The following DNAH12 variants were observed in gnomAD, a reference collection of about 807,000 sequenced individuals.
DNAH12 encodes axonemal beta dynein heavy chain 12.
Under a neutral mutation model 371.5 loss-of-function variants are expected in DNAH12, and 285 were observed. The ratio of observed to expected loss-of-function variants is 0.77; its 90% confidence interval spans 0.70 to 0.85. The LOEUF (loss-of-function observed/expected upper bound fraction) is 0.85. Ranked by LOEUF, DNAH12 falls within the 40% of genes least tolerant of loss-of-function variation. The pLI is 0.00. For synonymous variants in DNAH12, 1,200 were observed against 1,213.0 expected (o/e 0.99, Z 0.22); for missense variants, 3,611 against 3,689.4 (o/e 0.98, Z 0.55).
At chr3:57,406,175 A>T (rs1271777445) in intron 40 of DNAH12, among the ~76,000 whole-genome samples, 1 of 151,972 alleles carries the variant, frequency 6.6e-6, no homozygotes, top group Non-Finnish European at 1.5e-5. Context: ...ACATGGCAAA[A>T]CCCTGTCTCT....
intron 39 of DNAH12, among the ~76,000 whole-genome samples, chr3:57,409,550 T>C (rs1341965577): frequency 6.6e-6 from 1 of 152,024 alleles, no homozygotes; most frequent in African/African-American, 2.4e-5. Context: ...TAGACTTATA[T>C]AGAAAAAAAT....
At chr3:57,471,746 C>A in intron 14 of DNAH12, 140 bp from the exon 15 acceptor site, 1 of 693,080 alleles carries the variant, frequency 1.4e-6, no homozygotes, top group Non-Finnish European at 2.1e-6. Context: ...CCTATAATTA[C>A]TAATATAAAA....
At chr3:57,300,118 A>T (rs904843207) in intron 70 of DNAH12, among the ~76,000 whole-genome samples, 2 of 152,172 alleles carry the variant, frequency 1.3e-5, no homozygotes, top group Admixed American at 1.3e-4. Context: ...TTCTTTGCAG[A>T]TAGCCTCTTC....
chr3:57,384,349 A>G (rs2063457557), intron 49 of DNAH12, among the ~76,000 whole-genome samples: 1 of 152,064 alleles, frequency 6.6e-6, no homozygotes, highest in Admixed American at 6.6e-5. Flanking sequence ...ATAAAAAGCA[A>G]AAATAGGCCA....
In DNAH12 at chr3:57,418,012, C is replaced by T. The variant is rs567811075; in HGVS notation, c.5714+1355G>A. 1.7e-4 allele frequency among the ~76,000 whole-genome samples: 26 copies of T among 151,772 alleles called. No individual in the cohort carries two copies. The East Asian group carries it at 4.7e-3, about 27-fold the overall frequency. ...CTAAAAATACAAAAAATTAGCCTGG[C>T]GTGGTGGCAGGTGCCTGTAATCCCA... On this transcript the variant is annotated intron_variant, in intron 37 of 73. Transcript: ENST00000495027.
At chr3:57,457,588 A>G in intron 22 of DNAH12, 133 bp downstream of exon 22, 1 of 1,003,822 alleles carries the variant, frequency 1.0e-6, no homozygotes, top group Non-Finnish European at 1.4e-6. Flanking sequence ...TAATAATGTT[A>G]GAAACAAAGA....
At chr3:57,533,844 A>G (rs1160588493) in intron 2 of DNAH12, among the ~76,000 whole-genome samples, 1 of 151,968 alleles carries the variant, frequency 6.6e-6, no homozygotes, top group East Asian at 1.9e-4. Context: ...TGGCACAAGT[A>G]CTCCCTTAAC....
At chr3:57,354,558 A>G (rs1349238096) in intron 59 of DNAH12, among the ~76,000 whole-genome samples, 2 of 151,882 alleles carry the variant, frequency 1.3e-5, no homozygotes, top group African/African-American at 4.8e-5. Context: ...AAGAAAAAAA[A>G]AAAGAAAAAA....
At chr3:57,393,387 G>C (rs1004125343) in intron 44 of DNAH12, among the ~76,000 whole-genome samples, 1,873 of 152,168 alleles carry the variant, frequency 0.012, 24 homozygotes, top group Middle Eastern at 0.021. Context: ...CAGCACTTTG[G>C]GGGGCCGAGG....
At chr3:57,471,763 A>G (rs2066375894) in intron 14 of DNAH12, among the ~76,000 whole-genome samples, 157 bp from the exon 15 acceptor site, 1 of 152,216 alleles carries the variant, frequency 6.6e-6, no homozygotes, top group Admixed American at 6.5e-5. Flanking sequence ...AAAAATGCAA[A>G]GAATAAACCA....
chr3:57,375,625 G>T (rs2063266154), intron 54 of DNAH12, 109 bp from the exon 55 acceptor site: 1 of 151,858 alleles, frequency 6.6e-6, no homozygotes, highest in African/African-American at 2.4e-5. Context: ...TAACTCTAAG[G>T]AACAGAAAGA....
At chr3:57,381,702 T>C (rs1254697857) in intron 50 of DNAH12, among the ~76,000 whole-genome samples, 12 of 152,244 alleles carry the variant, frequency 7.9e-5, no homozygotes, top group African/African-American at 2.9e-4. Flanking sequence ...CCAGGGCACA[T>C]GCTTTTAACA....
At chr3:57,473,981 T>C (rs1159314299) in intron 13 of DNAH12, among the ~76,000 whole-genome samples, 6 of 152,270 alleles carry the variant, frequency 3.9e-5, no homozygotes, top group African/African-American at 1.4e-4. Context: ...GGGAATTCAC[T>C]AATCTGGCAA....
chr3:57,437,638 A>G (rs1460953033), intron 29 of DNAH12, among the ~76,000 whole-genome samples: 1 of 152,184 alleles, frequency 6.6e-6, no homozygotes, highest in Non-Finnish European at 1.5e-5. Flanking sequence ...GAAGAAACCA[A>G]TAGAGATTTT....
chr3:57,374,015 A>G (rs2063231269), intron 55 of DNAH12, among the ~76,000 whole-genome samples: 2 of 152,204 alleles, frequency 1.3e-5, no homozygotes, highest in Non-Finnish European at 1.5e-5. Context: ...AGATTTCCTT[A>G]TATCTTTAAT....
intron 12 of DNAH12, among the ~76,000 whole-genome samples, chr3:57,487,560 A>T (rs2066976262): frequency 1.3e-5 from 2 of 152,168 alleles, no homozygotes; most frequent in Non-Finnish European, 1.5e-5. Flanking sequence ...AAACAAAATG[A>T]TGAGAGCAAG....
chr3:57,555,252 A>T, the DNAH12 span, among the ~76,000 whole-genome samples: 7 of 152,208 alleles, frequency 4.6e-5, no homozygotes, highest in Non-Finnish European at 1.0e-4. Context: ...TAAAAAATAA[A>T]AAAATAAAAT....
intron 42 of DNAH12, among the ~76,000 whole-genome samples, chr3:57,404,422 A>C (rs2063962245): frequency 6.6e-6 from 1 of 152,172 alleles, no homozygotes; most frequent in Non-Finnish European, 1.5e-5. Flanking sequence ...AGTTCTAAGA[A>C]ACAAAAGTTT....
Position 57,446,578 on chromosome 3 carries a change from A to C in DNAH12, c.3898T>G (p.Phe1300Val). 2.6e-6 allele frequency: 4 copies of C among 1,548,660 alleles called. No individual in the cohort carries two copies. The highest frequency in any genetic ancestry group is 1.2e-5 in the South Asian group (1 of 83,172). Residue 1300 changes from phenylalanine (F) to valine (V), a missense_variant, in exon 26 of 74, where the codon TTC becomes GTC. Transcript: ENST00000495027. ...TAATCTAGCCCATCAGAACAGTTGA[A>C]CACCACACACTGTACAGCAAGAGCT... ...AKALAVQCVV[F>V]NCSDGLDYLA...
Sources: gnomAD v4.1 joint callset for allele counts (sites outside exome capture counted in the v4.1 genomes callset) on GRCh38, gnomAD v4.1.1 for gene constraint, MANE v1.5 for transcripts, NCBI Gene and HGNC (gene_info 2026-07-23, HGNC 2026-07-21) for gene names.